PHC3: variants seen among roughly 807,000 people sequenced by gnomAD.
PHC3 encodes polyhomeotic homolog 3.
Under a neutral mutation model 107.4 loss-of-function variants are expected in PHC3, and 13 were observed. The observed-to-expected ratio is 0.12, with a 90% CI of 0.08 to 0.19. The LOEUF is 0.19. Among genes scored for constraint, PHC3 ranks in the 10% least tolerant of loss-of-function variants. The pLI is 1.00. For synonymous variants in PHC3, 456 were observed against 427.4 expected, an observed-to-expected ratio of 1.07 and a Z score of -0.83; for missense variants, 992 against 1,210.9, an observed-to-expected ratio of 0.82 and a Z score of 2.68.
At chr3:170,147,315 A>G (rs1725141556) in intron 5 of PHC3, 1 of 152,216 alleles carries the variant, frequency 6.6e-6, no homozygotes, top group African/African-American at 2.4e-5. Context: ...TGCTATCTAA[A>G]TTAAAATGTT....
intron 7 of PHC3, among the ~76,000 whole-genome samples, chr3:170,133,659 T>C (rs902926453): frequency 6.6e-6 from 1 of 152,128 alleles, no homozygotes; most frequent in African/African-American, 2.4e-5. Context: ...AATTGGAGTA[T>C]ATGTAAGATC....
intron 12 of PHC3, 143 bp downstream of exon 12, chr3:170,106,689 T>C: frequency 2.1e-6 from 1 of 479,686 alleles, no homozygotes; most frequent in East Asian, 3.3e-5. Flanking sequence ...ATTATTCTTC[T>C]ATATAATAAT....
At chr3:170,113,638 C>T in intron 10 of PHC3, 119 bp from the exon 11 acceptor site, 3 of 935,910 alleles carry the variant, frequency 3.2e-6, no homozygotes, top group Non-Finnish European at 4.6e-6. Context: ...TTCAACTGAT[C>T]AGATCCATTT....
Position 170,136,500 on chromosome 3 carries a change from T to C in PHC3, c.838A>G (p.Lys280Glu). 6.2e-7 allele frequency: 1 copy of C among 1,606,916 alleles called. No homozygotes were observed. Among genetic ancestry groups the C allele is most frequent in the South Asian group, 1.1e-5 (1 of 89,602 alleles). ...SQRDPSPESN[K>E]KGESPSLESR... ...TCCAGGCTTGGGCTCTCTCCTTTCTTATTACTTTCTGGAGAAGGATCTCGT... is the reference window on the plus strand; with the variant it reads ...TCCAGGCTTGGGCTCTCTCCTTTCTCATTACTTTCTGGAGAAGGATCTCGT... The change falls in exon 7 of 15, where the codon AAG (lysine) becomes GAG (glutamate). Residue 280 changes from lysine to glutamate, a missense_variant. Lys to Glu is a moderately conservative substitution (Grantham distance 56, BLOSUM62 1). This residue lies in a region of PHC3 where 543 missense variants were observed against 590.8 expected (regional missense o/e 0.92). Transcript: ENST00000495893.
intron 8 of PHC3, among the ~76,000 whole-genome samples, chr3:170,126,528 A>ATATATATATATATATATATATATATATT: frequency 1.1e-5 from 1 of 90,620 alleles, no homozygotes; most frequent in African/African-American, 4.5e-5. Flanking sequence ...ATATATATAT[A>ATATATATATATATATATATATATATATT]TTTTTTTTTT....
intron 9 of PHC3, among the ~76,000 whole-genome samples, chr3:170,117,843 C>A (rs59976455): frequency 0.013 from 1,978 of 147,474 alleles, 38 homozygotes; most frequent in African/African-American, 0.042. Flanking sequence ...AAAAAAAAAA[C>A]CAAAAAAAAA....
intron 6 of PHC3, among the ~76,000 whole-genome samples, chr3:170,142,553 G>A (rs940664750): frequency 6.6e-6 from 1 of 152,016 alleles, no homozygotes; most frequent in Non-Finnish European, 1.5e-5. Flanking sequence ...AAATATGAAT[G>A]AATATTAGAG....
At chr3:170,116,779 C>T (rs557735611) in intron 10 of PHC3, among the ~76,000 whole-genome samples, 6 of 151,652 alleles carry the variant, frequency 4.0e-5, no homozygotes, top group Admixed American at 6.6e-5. Context: ...GGCACGGTGG[C>T]GCACACCTGT....
chr3:170,119,069 AAAG>A (rs1408986978), intron 9 of PHC3, among the ~76,000 whole-genome samples: 1 of 151,832 alleles, frequency 6.6e-6, no homozygotes, highest in African/African-American at 2.4e-5. Flanking sequence ...AAAGAAAAGA[AAAG>A]AAAATCAGCA....
At chr3:170,156,982 A>G (rs1032192805) in intron 4 of PHC3, among the ~76,000 whole-genome samples, 3 of 152,212 alleles carry the variant, frequency 2.0e-5, no homozygotes, top group Admixed American at 6.6e-5. Flanking sequence ...TCTGCAATAC[A>G]AGCTGGTGAA....
intron 3 of PHC3, among the ~76,000 whole-genome samples, chr3:170,172,099 T>C (rs1248032183): frequency 1.3e-5 from 2 of 152,328 alleles, no homozygotes; most frequent in East Asian, 1.9e-4. Context: ...ATGTATTAGA[T>C]TGTTACTGTG....
In PHC3 at chr3:170,129,349, C is replaced by T. The variant is rs373115706; in HGVS notation, c.1123G>A (p.Ala375Thr). ...IPLQNHGLPP[A>T]PSNAQSQHCS... Reference sequence around the variant, plus strand: ...TGCTGTGACTGGGCATTACTGGGAGCTGGAGGAAGGCCATGGTTCTGGAGT... The same window carrying T: ...TGCTGTGACTGGGCATTACTGGGAGTTGGAGGAAGGCCATGGTTCTGGAGT... The change falls in exon 8 of 15, where the codon GCT (alanine) becomes ACT (threonine). Residue 375 changes from alanine (A) to threonine (T), a missense_variant. Physicochemically the swap from Ala to Thr is moderately conservative, Grantham distance 58. Coordinates refer to ENST00000495893, the MANE Select transcript of PHC3 (RefSeq NM_024947.4). 78 of 1,613,816 alleles carry T rather than the reference C, an allele frequency of 4.8e-5. No homozygotes were observed. In the South Asian group the frequency reaches 7.9e-4, roughly 16 times the overall value.
At chr3:170,111,261 AGAAG>A (rs142477519) in intron 11 of PHC3, among the ~76,000 whole-genome samples, 20,410 of 120,794 alleles carry the variant, frequency 0.17, 2,039 homozygotes, top group East Asian at 0.24. Flanking sequence ...TAAAACAAGA[AGAAG>A]GAAGGAAGGA....
At chr3:170,102,276 T>C in intron 14 of PHC3, 1 of 985,390 alleles carries the variant, frequency 1.0e-6, no homozygotes, top group Non-Finnish European at 1.2e-6. Context: ...TTTTATCGAC[T>C]TGGGGGGTAT....
intron 8 of PHC3, among the ~76,000 whole-genome samples, chr3:170,127,105 A>C (rs182777145): frequency 5.8e-4 from 89 of 152,266 alleles, no homozygotes; most frequent in Middle Eastern, 6.8e-3. Flanking sequence ...TTTTGTTACA[A>C]TATCCATAGT....
At chr3:170,166,217 G>T (rs1296769785) in intron 4 of PHC3, among the ~76,000 whole-genome samples, 1 of 151,658 alleles carries the variant, frequency 6.6e-6, no homozygotes, top group Admixed American at 6.6e-5. Context: ...GCTTATTTTT[G>T]ATTTTTAATA....
In PHC3 at chr3:170,088,657, TAC is replaced by T. The variant is rs1460753891; in HGVS notation, c.*8571_*8572del. 6.6e-6 allele frequency: 1 copy of T among 152,240 alleles called. No individual in the cohort carries two copies. Among genetic ancestry groups the T allele is most frequent in the Non-Finnish European group, 1.5e-5 (1 of 68,044 alleles). 9.4% of individuals were successfully genotyped at this position (152,240 alleles called of 1,614,324 possible). On this transcript the variant is annotated 3_prime_UTR_variant, in exon 15 of 15. Coordinates refer to ENST00000495893, the MANE Select transcript of PHC3 (RefSeq NM_024947.4). Reference sequence around the variant, plus strand: ...ACATATACAAAAAGTACTTATGGAATACATATTTTAACAGCATAACATATTTG... The same window carrying T: ...ACATATACAAAAAGTACTTATGGAATATATTTTAACAGCATAACATATTTG...
At chr3:170,181,678 A>T in intron 1 of PHC3, 24 bp downstream of exon 1, 2 of 1,613,302 alleles carry the variant, frequency 1.2e-6, no homozygotes, top group Non-Finnish European at 1.7e-6. Flanking sequence ...TAGTTACGAC[A>T]TCAGTCACCA....
At chr3:170,139,370 C>T (rs1338075692) in intron 6 of PHC3, among the ~76,000 whole-genome samples, 1 of 152,072 alleles carries the variant, frequency 6.6e-6, no homozygotes, top group Non-Finnish European at 1.5e-5. Flanking sequence ...AGAAGAGGCA[C>T]ATTAAAATCT....
Sources: gnomAD v4.1 joint callset for allele counts (sites outside exome capture counted in the v4.1 genomes callset) on GRCh38, gnomAD v4.1.1 for gene constraint, gnomAD v4.1.1 regional missense constraint, MANE v1.5 for transcripts, NCBI Gene and HGNC (gene_info 2026-07-23, HGNC 2026-07-21) for gene names.